The following BTBD9 variants were observed in gnomAD, a reference collection of about 807,000 sequenced individuals.
BTBD9 encodes the protein BTB domain containing 9, also known as BTB/POZ domain-containing protein 9.
In BTBD9, 49 loss-of-function variants were observed where a neutral mutation model predicts 64.3. That is an observed-to-expected ratio of 0.76 (90% CI 0.61 to 0.97). BTBD9 has a LOEUF of 0.97. Among genes scored for constraint, BTBD9 ranks in the 50% least tolerant of loss-of-function variants. BTBD9 has a pLI of 0.00. For synonymous variants in BTBD9, 260 were observed against 274.7 expected (o/e 0.95, Z 0.53); for missense variants, 598 against 762.1 (o/e 0.78, Z 2.53).
At chr6:38,638,710 G>T (rs950446187) in intron 1 of BTBD9, among the ~76,000 whole-genome samples, 1 of 152,198 alleles carries the variant, frequency 6.6e-6, no homozygotes, top group Non-Finnish European at 1.5e-5. Context: ...TGAGAACCTT[G>T]AACTTATTTT....
At chr6:38,181,675 G>T (rs1236922458) in intron 10 of BTBD9, among the ~76,000 whole-genome samples, 1 of 152,162 alleles carries the variant, frequency 6.6e-6, no homozygotes, top group East Asian at 1.9e-4. Flanking sequence ...ATGTGCATCT[G>T]AACAGCCCAA....
intron 6 of BTBD9, among the ~76,000 whole-genome samples, chr6:38,441,907 G>A (rs1033304239): frequency 2.0e-5 from 3 of 152,054 alleles, no homozygotes; most frequent in African/African-American, 7.2e-5. Flanking sequence ...TATACCTAAA[G>A]GTATACAACT....
At chr6:38,268,945 C>T (rs988055929) in intron 8 of BTBD9, among the ~76,000 whole-genome samples, 2 of 152,204 alleles carry the variant, frequency 1.3e-5, no homozygotes, top group African/African-American at 4.8e-5. Flanking sequence ...TCTCTATCTA[C>T]TTGTCCTGGA....
chr6:38,559,269 C>T (rs1374477137), intron 6 of BTBD9, among the ~76,000 whole-genome samples: 1 of 151,940 alleles, frequency 6.6e-6, no homozygotes, highest in Non-Finnish European at 1.5e-5. Flanking sequence ...CATTTCCATA[C>T]TCTAATAACA....
intron 6 of BTBD9, among the ~76,000 whole-genome samples, chr6:38,522,876 G>C (rs1448849960): frequency 6.6e-6 from 1 of 152,000 alleles, no homozygotes; most frequent in African/African-American, 2.4e-5. Context: ...CTAGGCAGGA[G>C]AAATCTGCTC....
chr6:38,624,200 G>A (rs112769098), intron 1 of BTBD9, among the ~76,000 whole-genome samples: 3,812 of 152,232 alleles, frequency 0.025, 145 homozygotes, highest in African/African-American at 0.084. Context: ...AGCCAATTGC[G>A]GGGAGGACTG....
At chr6:38,542,721 C>A (rs935157773) in intron 6 of BTBD9, among the ~76,000 whole-genome samples, 2 of 152,178 alleles carry the variant, frequency 1.3e-5, no homozygotes, top group Non-Finnish European at 1.5e-5. Context: ...GCATATGATT[C>A]CACTTGCCCT....
At chr6:38,359,839 G>A (rs567623787) in intron 6 of BTBD9, among the ~76,000 whole-genome samples, 36 of 151,910 alleles carry the variant, frequency 2.4e-4, no homozygotes, top group Non-Finnish European at 4.6e-4. Context: ...GTTGTGGCAC[G>A]ACTTGTTGAT....
chr6:38,501,554 A>G (rs1227200026), intron 6 of BTBD9, among the ~76,000 whole-genome samples: 1 of 152,162 alleles, frequency 6.6e-6, no homozygotes, highest in Non-Finnish European at 1.5e-5. Flanking sequence ...GTCCCTGCCA[A>G]TTTACATCAC....
At chr6:38,420,368 T>C (rs1767849041) in intron 6 of BTBD9, among the ~76,000 whole-genome samples, 1 of 152,158 alleles carries the variant, frequency 6.6e-6, no homozygotes, top group Admixed American at 6.5e-5. Context: ...AGAAATGTAT[T>C]CAGCACACAT....
chr6:38,453,072 T>G (rs905386241), intron 6 of BTBD9, among the ~76,000 whole-genome samples: 3 of 152,170 alleles, frequency 2.0e-5, no homozygotes, highest in African/African-American at 7.2e-5. Flanking sequence ...AGAAAGCGTA[T>G]AACAGATCCT....
chr6:38,490,551 C>A (rs922283305), intron 6 of BTBD9, among the ~76,000 whole-genome samples: 17 of 152,036 alleles, frequency 1.1e-4, no homozygotes, highest in African/African-American at 3.9e-4. Context: ...AACTCCTGAC[C>A]TCAGGTGATC....
chr6:38,232,415 C>T (rs939688944), intron 9 of BTBD9, among the ~76,000 whole-genome samples: 1 of 151,850 alleles, frequency 6.6e-6, no homozygotes, highest in Admixed American at 6.6e-5. Context: ...GGACTATAGG[C>T]GGCTGCCACC....
intron 6 of BTBD9, among the ~76,000 whole-genome samples, chr6:38,479,631 T>C (rs1166388257): frequency 6.6e-6 from 1 of 152,210 alleles, no homozygotes; most frequent in Non-Finnish European, 1.5e-5. Context: ...ACTGATGTAG[T>C]TGGTATTACT....
At position 38,465,743 on chromosome 6, in the gene BTBD9, ATATATATATATATG is replaced by A. The variant is rs1467793851; in HGVS notation, c.1154+111843_1154+111856del. 8.1e-3 allele frequency among the ~76,000 whole-genome samples: 368 copies of A among 45,396 alleles called. 3 individuals carry two copies. Among genetic ancestry groups the A allele is most frequent in the South Asian group, 0.026 (21 of 806 alleles). 29.8% of individuals were successfully genotyped at this position (45,396 alleles called of 152,430 possible). On this transcript the variant is annotated intron_variant, in intron 6 of 10. Coordinates refer to ENST00000481247, the MANE Select transcript of BTBD9 (RefSeq NM_001099272.2). ...TATATATATATATATATATATATAT[ATATATATATATATG>A]TATGTATGTATGTATTTCAGTTATT...
chr6:38,635,506 A>C (rs952458025), intron 1 of BTBD9, among the ~76,000 whole-genome samples: 1 of 152,198 alleles, frequency 6.6e-6, no homozygotes, highest in African/African-American at 2.4e-5. Context: ...TCCATGTGTT[A>C]GAGGAGACAT....
At chr6:38,554,763 A>G (rs1774945272) in intron 6 of BTBD9, among the ~76,000 whole-genome samples, 1 of 152,242 alleles carries the variant, frequency 6.6e-6, no homozygotes, top group African/African-American at 2.4e-5. Context: ...CCAAAAAGGA[A>G]TGGTATCCTC....
intron 8 of BTBD9, among the ~76,000 whole-genome samples, chr6:38,284,800 G>A (rs1761666145): frequency 6.6e-6 from 1 of 152,256 alleles, no homozygotes; most frequent in South Asian, 2.1e-4. Flanking sequence ...ATTCCCAAAG[G>A]AGTGGAGCCT....
intron 6 of BTBD9, among the ~76,000 whole-genome samples, chr6:38,557,732 A>C (rs917817065): frequency 5.3e-5 from 8 of 152,170 alleles, no homozygotes; most frequent in African/African-American, 1.9e-4. Context: ...AAAGCTTCCC[A>C]AAAAAACAGA....
Sources: allele counts gnomAD v4.1 joint callset (sites outside exome capture counted in the v4.1 genomes callset), GRCh38; gene constraint gnomAD v4.1.1; transcripts MANE v1.5; gene names NCBI Gene and HGNC (gene_info 2026-07-23, HGNC 2026-07-21).